The following USH2A variants were observed in gnomAD, a reference collection of about 807,000 sequenced individuals.
USH2A encodes the protein usherin.
USH2A carries 443 observed loss-of-function variants against 538.9 expected under a neutral mutation model. The ratio of observed to expected loss-of-function variants is 0.82; its 90% CI spans 0.76 to 0.89. USH2A has a LOEUF of 0.89. USH2A is among the 40% of genes least tolerant of loss of function. The pLI is 0.00. For missense variants in USH2A, 6,633 were observed against 6,324.8 expected (o/e 1.05, Z -1.65); for synonymous variants, 2,413 against 2,273.5 (o/e 1.06, Z -1.75).
chr1:215,756,196 T>G (rs1660789600), intron 58 of USH2A, among the ~76,000 whole-genome samples: 1 of 152,140 alleles, frequency 6.6e-6, no homozygotes, highest in East Asian at 1.9e-4. Flanking sequence ...TATCTCCACT[T>G]CACAGATGGA....
chr1:215,628,943 G>C lies in USH2A; in HGVS notation c.15390C>G (p.Asn5130Lys), dbSNP rs755308334. 1 of 1,614,140 alleles carries C rather than the reference G, an allele frequency of 6.2e-7. No individual in the cohort carries two copies. The highest frequency in any genetic ancestry group is 1.3e-5 in the African/African-American group (1 of 75,026). Residue 5130 changes from asparagine to lysine, a missense_variant, in exon 71 of 72, where the codon AAC becomes AAG. By Grantham distance (94) the Asn-to-Lys change is moderately conservative. Coordinates refer to ENST00000307340, the MANE Select transcript of USH2A (RefSeq NM_206933.4). ...SACVLRIPSQ[N>K]QTSLTYSQGS... is the part of the protein sequence containing the mutation. ...CCTGGGAGTAGGTTAGGCTGGTTTG[G>C]TTTTGACTCGGGATGCGCAGGACAC... is the stretch of plus-strand genomic sequence containing the variant.
rs756735388 is a variant in USH2A at position 215,813,800 on chromosome 1, GCCA to G, written c.9672_9674del (p.Gly3225del). The stretch of plus-strand genomic sequence containing the variant: ...GATTTGGTTGTGCCTCCTGTATTCG[GCCA>G]CCACAACAAACTCCAGTAGAATTCA... On this transcript the variant is annotated inframe_deletion, in exon 49 of 72. Coordinates refer to ENST00000307340, the MANE Select transcript of USH2A (RefSeq NM_206933.4). 7.4e-6 allele frequency: 12 copies of G among 1,613,838 alleles called. No individual in the cohort carries two copies. Among genetic ancestry groups the G allele is most frequent in the Non-Finnish European group, 5.1e-6 (6 of 1,179,878 alleles).
chr1:216,366,142 T>A (rs1269289800), intron 3 of USH2A, among the ~76,000 whole-genome samples: 2 of 152,032 alleles, frequency 1.3e-5, no homozygotes, highest in Non-Finnish European at 2.9e-5. Context: ...GGTACTCTAA[T>A]TAGTGAAGGA....
At chr1:216,346,787 AG>A (rs1202379011) in intron 4 of USH2A, among the ~76,000 whole-genome samples, 2 of 151,690 alleles carry the variant, frequency 1.3e-5, no homozygotes, top group African/African-American at 4.8e-5. Flanking sequence ...TGTTCCTCTA[AG>A]GCTCCACCCT....
chr1:215,989,078 T>C (rs541143787), intron 35 of USH2A, among the ~76,000 whole-genome samples: 2 of 152,320 alleles, frequency 1.3e-5, no homozygotes, highest in African/African-American at 4.8e-5. Context: ...ATATTAGAAC[T>C]TTTTATACCT....
intron 32 of USH2A, among the ~76,000 whole-genome samples, chr1:216,013,311 A>G (rs1186388191): frequency 6.7e-6 from 1 of 150,206 alleles, no homozygotes; most frequent in Non-Finnish European, 1.5e-5. Flanking sequence ...CTCCCACTCT[A>G]GGTTCCCACG....
chr1:215,659,955 C>T (rs1657390727), intron 64 of USH2A, among the ~76,000 whole-genome samples: 1 of 152,142 alleles, frequency 6.6e-6, no homozygotes, highest in Non-Finnish European at 1.5e-5. Context: ...CAACATCTAT[C>T]CCACAGGACT....
At chr1:216,166,767 A>G (rs1293734249) in intron 21 of USH2A, among the ~76,000 whole-genome samples, 1 of 152,134 alleles carries the variant, frequency 6.6e-6, no homozygotes, top group Non-Finnish European at 1.5e-5. Context: ...GAGGAAAAAA[A>G]TGAAGGGAAG....
chr1:216,274,696 G>A (rs2036637802), intron 11 of USH2A, among the ~76,000 whole-genome samples: 1 of 151,996 alleles, frequency 6.6e-6, no homozygotes, highest in Non-Finnish European at 1.5e-5. Flanking sequence ...TAAGTGTTTT[G>A]TGATACTTCT....
chr1:216,277,745 T>G (rs908438078), intron 11 of USH2A, among the ~76,000 whole-genome samples: 2 of 152,166 alleles, frequency 1.3e-5, no homozygotes, highest in African/African-American at 4.8e-5. Context: ...CTAGCTATCA[T>G]CAATGGCAAT....
chr1:216,036,929 T>C, intron 32 of USH2A, among the ~76,000 whole-genome samples: 1 of 152,204 alleles, frequency 6.6e-6, no homozygotes, highest in East Asian at 1.9e-4. Context: ...ACTACAAAAA[T>C]TTCATGGAAA....
intron 21 of USH2A, among the ~76,000 whole-genome samples, chr1:216,109,217 G>A (rs768535026): frequency 3.3e-5 from 5 of 152,132 alleles, no homozygotes; most frequent in Non-Finnish European, 7.4e-5. Flanking sequence ...ATTCAAGTGT[G>A]GAGGATAATA....
chr1:215,639,430 A>C (rs566417432), intron 68 of USH2A, among the ~76,000 whole-genome samples, 192 bp from the exon 69 acceptor site: 1 of 152,364 alleles, frequency 6.6e-6, no homozygotes, highest in East Asian at 1.9e-4. Context: ...TAGTGTAATA[A>C]TAGCCTATCC....
intron 54 of USH2A, 52 bp from the exon 55 acceptor site, chr1:215,780,093 C>G (rs746275680): frequency 1.3e-6 from 2 of 1,585,994 alleles, no homozygotes; most frequent in East Asian, 4.5e-5. Flanking sequence ...CACTAGCTAT[C>G]CTGATCAATG....
At chr1:215,911,682 A>T (rs1234474107) in intron 38 of USH2A, among the ~76,000 whole-genome samples, 1 of 152,078 alleles carries the variant, frequency 6.6e-6, no homozygotes, top group East Asian at 1.9e-4. Context: ...GAATGAAGAT[A>T]TTTCTTCAAC....
chr1:216,023,467 A>AAAAAAAAAAAAAAAAAAAC (rs1668889882), intron 32 of USH2A, among the ~76,000 whole-genome samples: 1 of 145,028 alleles, frequency 6.9e-6, no homozygotes, highest in African/African-American at 2.5e-5. Flanking sequence ...GACAAAAAAA[A>AAAAAAAAAAAAAAAAAAAC]AAAAAAAAAA....
chr1:216,182,257 A>G (rs1379164787), intron 20 of USH2A, among the ~76,000 whole-genome samples: 1 of 152,190 alleles, frequency 6.6e-6, no homozygotes, highest in African/African-American at 2.4e-5. Context: ...TTTAGGGCGT[A>G]TCTGTCAAAA....
rs76596455 is a variant in USH2A, at chr1:216,212,511, C to T, written c.3157+4876G>A. Among the ~76,000 whole-genome samples, 170 of 152,206 alleles carry T rather than the reference C, an allele frequency of 1.1e-3. No individual in the cohort carries two copies. In the East Asian group the frequency reaches 0.013, roughly 11 times the overall value. Reference sequence around the variant, plus strand: ...ATGGGATGAGAGTATAATATTGTGACTAGATCCATCTCTTTGGGAACCACC... The same window carrying T: ...ATGGGATGAGAGTATAATATTGTGATTAGATCCATCTCTTTGGGAACCACC... On this transcript the variant is annotated intron_variant, in intron 15 of 71. Coordinates refer to ENST00000307340, the MANE Select transcript of USH2A (RefSeq NM_206933.4).
At chr1:216,355,387 C>G (rs12060968) in intron 4 of USH2A, among the ~76,000 whole-genome samples, 2,102 of 130,382 alleles carry the variant, frequency 0.016, 102 homozygotes, top group African/African-American at 0.06. Flanking sequence ...AGGAAAGAAA[C>G]ATATAGTATA....
Sources: gnomAD v4.1 joint callset for allele counts (sites outside exome capture counted in the v4.1 genomes callset) on GRCh38, gnomAD v4.1.1 for gene constraint, MANE v1.5 for transcripts, NCBI Gene and HGNC (gene_info 2026-07-23, HGNC 2026-07-21) for gene names.